The following CDC14A variants were observed in gnomAD, a reference collection of about 807,000 sequenced individuals.
CDC14A encodes cell division cycle 14A.
In CDC14A, 53 loss-of-function variants were observed where a neutral mutation model predicts 74.4. The ratio of observed to expected loss-of-function variants is 0.71; its 90% CI spans 0.57 to 0.89. The LOEUF (loss-of-function observed/expected upper bound fraction) is 0.89, where lower values mean the gene tolerates loss of function less well. Among genes scored for constraint, CDC14A ranks in the 40% least tolerant of loss-of-function variants. CDC14A has a pLI of 0.00. For synonymous variants in CDC14A, 247 were observed against 258.4 expected (o/e 0.96, Z 0.43); for missense variants, 646 against 713.7 (o/e 0.91, Z 1.08).
chr1:100,354,283 T>A (rs1441049383), intron 2 of CDC14A, among the ~76,000 whole-genome samples: 1 of 152,240 alleles, frequency 6.6e-6, no homozygotes, highest in Non-Finnish European at 1.5e-5. Flanking sequence ...TATCTCAGGA[T>A]GTTTTTGTTT....
At chr1:100,434,541 G>C (rs1235151377) in intron 5 of CDC14A, among the ~76,000 whole-genome samples, 1 of 152,164 alleles carries the variant, frequency 6.6e-6, no homozygotes, top group African/African-American at 2.4e-5. Context: ...TTTTAAGAGT[G>C]GGTGTAGGAA....
chr1:100,403,044 T>C (rs57782298), intron 4 of CDC14A, among the ~76,000 whole-genome samples: 6,663 of 152,156 alleles, frequency 0.044, 512 homozygotes, highest in African/African-American at 0.15. Context: ...ATGGATGTGT[T>C]GGGGTAGGTC....
upstream of CDC14A, among the ~76,000 whole-genome samples, chr1:100,352,028 T>C (rs919502990): frequency 1.3e-5 from 2 of 148,428 alleles, no homozygotes; most frequent in African/African-American, 4.9e-5. Context: ...CCTACAAGAG[T>C]TTAGAAGAGC....
Position 100,488,781 on chromosome 1 carries a change from G to A in CDC14A, c.1137+4330G>A, listed in dbSNP as rs188487583. 2.1e-3 allele frequency among the ~76,000 whole-genome samples: 326 copies of A among 152,222 alleles called. 2 individuals are homozygous for A. Among genetic ancestry groups the A allele is most frequent in the Non-Finnish European group, 3.3e-3 (227 of 68,022 alleles). ...AAATCCATCAAGTACTCATAAGCAGGGTACATCTTAGAAAAATCTATGAAG... is the reference window on the plus strand; with the variant it reads ...AAATCCATCAAGTACTCATAAGCAGAGTACATCTTAGAAAAATCTATGAAG... On this transcript the variant is annotated intron_variant, in intron 11 of 15. Transcript: ENST00000336454.
intron 2 of CDC14A, among the ~76,000 whole-genome samples, chr1:100,371,753 A>C (rs1283224096): frequency 1.3e-5 from 2 of 152,216 alleles, no homozygotes; most frequent in Non-Finnish European, 2.9e-5. Context: ...AATTTATTCA[A>C]AGTGAGTTTA....
chr1:100,462,634 C>T lies in CDC14A; in HGVS notation c.608-17C>T. ...TGAAATGCATGCCTTTTGCTTACTGCTCCTTTGTTCCTTTAGGTTATCCTC... is the reference window on the plus strand; with the variant it reads ...TGAAATGCATGCCTTTTGCTTACTGTTCCTTTGTTCCTTTAGGTTATCCTC... On this transcript the variant is annotated splice_polypyrimidine_tract_variant and intron_variant, in intron 8 of 15. Coordinates refer to ENST00000336454, the MANE Select transcript of CDC14A (RefSeq NM_003672.4). The T allele has an allele frequency of 6.3e-7, 1 of 1,593,128 alleles. No homozygotes were observed. Among genetic ancestry groups the T allele is most frequent in the Non-Finnish European group, 8.6e-7 (1 of 1,161,314 alleles).
At chr1:100,407,256 A>T (rs1307829621) in intron 4 of CDC14A, among the ~76,000 whole-genome samples, 1 of 152,166 alleles carries the variant, frequency 6.6e-6, no homozygotes, top group Non-Finnish European at 1.5e-5. Context: ...TGGCAGTTTA[A>T]TGGGAATAGC....
At chr1:100,415,367 C>A (rs1465616883) in intron 4 of CDC14A, among the ~76,000 whole-genome samples, 1 of 152,078 alleles carries the variant, frequency 6.6e-6, no homozygotes, top group African/African-American at 2.4e-5. Flanking sequence ...GCAAACAGCA[C>A]CTCAAACAAA....
intron 4 of CDC14A, among the ~76,000 whole-genome samples, chr1:100,400,732 C>A (rs1659138357): frequency 6.6e-6 from 1 of 152,136 alleles, no homozygotes; most frequent in South Asian, 2.1e-4. Context: ...ATTCTGTTAG[C>A]CTTCTGCATA....
At chr1:100,406,292 T>C (rs948106546) in intron 4 of CDC14A, among the ~76,000 whole-genome samples, 11 of 152,240 alleles carry the variant, frequency 7.2e-5, no homozygotes, top group Non-Finnish European at 1.0e-4. Context: ...CTTTGTCAGA[T>C]AGATAGATTG....
intron 15 of CDC14A, among the ~76,000 whole-genome samples, chr1:100,517,750 G>A (rs1342399309): frequency 6.6e-6 from 1 of 152,184 alleles, no homozygotes; most frequent in African/African-American, 2.4e-5. Context: ...TAAGGGAAAG[G>A]ATGTGTAAGA....
At chr1:100,505,245 G>A (rs1649128844) in intron 15 of CDC14A, among the ~76,000 whole-genome samples, 1 of 152,188 alleles carries the variant, frequency 6.6e-6, no homozygotes, top group African/African-American at 2.4e-5. Flanking sequence ...TGGCTTAAAT[G>A]TAGTTCTCTT....
At chr1:100,473,880 G>T (rs528971952) in intron 10 of CDC14A, among the ~76,000 whole-genome samples, 1 of 152,172 alleles carries the variant, frequency 6.6e-6, no homozygotes, top group South Asian at 2.1e-4. Context: ...AACTTCCAGC[G>T]CTGTGATGAG....
intron 15 of CDC14A, among the ~76,000 whole-genome samples, chr1:100,506,433 GGGACCTGA>G (rs2101466048): frequency 6.6e-6 from 1 of 152,208 alleles, no homozygotes; most frequent in East Asian, 1.9e-4. Flanking sequence ...CCTTCCCAAG[GGGACCTGA>G]GAATGCTACT....
intron 4 of CDC14A, among the ~76,000 whole-genome samples, chr1:100,420,082 A>ATATATATATATATATATATATATATAGT (rs58124351): frequency 9.5e-6 from 1 of 105,526 alleles, no homozygotes; most frequent in Admixed American, 9.7e-5. Flanking sequence ...ATATATATAT[A>ATATATATATATATATATATATATATAGT]GTGTGTATGT....
rs533014479 is a variant in CDC14A at position 100,431,091 on chromosome 1, C to A, written c.389+6790C>A. ...GGGGCATATTTTGAATAAGTGTACC[C>A]CCATGAAAAAAGACTCTTTGTCAGA... On this transcript the variant is annotated intron_variant, in intron 5 of 15. Transcript: ENST00000336454. 1.8e-3 allele frequency among the ~76,000 whole-genome samples: 273 copies of A among 152,174 alleles called. 1 individual carries two copies. The highest frequency in any genetic ancestry group is 3.7e-3 in the Admixed American group (57 of 15,288).
At chr1:100,365,074 T>C (rs1291605776) in intron 2 of CDC14A, among the ~76,000 whole-genome samples, 1 of 152,222 alleles carries the variant, frequency 6.6e-6, no homozygotes, top group Non-Finnish European at 1.5e-5. Context: ...ACAGGATTGA[T>C]AGTTGATATT....
At chr1:100,393,005 CAA>C in intron 4 of CDC14A, 4 of 1,297,908 alleles carry the variant, frequency 3.1e-6, no homozygotes, top group Non-Finnish European at 4.3e-6. Flanking sequence ...TGTGAGAGCC[CAA>C]CTTTTCTACC....
chr1:100,371,874 C>T (rs551373544), intron 2 of CDC14A, among the ~76,000 whole-genome samples: 138 of 151,996 alleles, frequency 9.1e-4, no homozygotes, highest in Non-Finnish European at 1.2e-3. Context: ...TCCATTAACC[C>T]AAGGATAAGA....
Sources: allele counts gnomAD v4.1 joint callset (sites outside exome capture counted in the v4.1 genomes callset), GRCh38; gene constraint gnomAD v4.1.1; transcripts MANE v1.5; gene names NCBI Gene and HGNC (gene_info 2026-07-23, HGNC 2026-07-21).